Variants in SIN3A observed in about 807,000 individuals in gnomAD.
The protein encoded by SIN3A is paired amphipathic helix protein Sin3a.
In SIN3A, 14 loss-of-function variants were observed where a neutral mutation model predicts 146.1. That is an observed-to-expected ratio of 0.10 (90% CI 0.06 to 0.15). The LOEUF is 0.15. Among genes scored for constraint, SIN3A ranks in the 10% least tolerant of loss-of-function variants. The pLI is 1.00. For missense variants in SIN3A, 1,028 were observed against 1,576.0 expected (o/e 0.65, Z 5.89); for synonymous variants, 572 against 572.0 (o/e 1.00, Z 0.00).
chr15:75,419,401 AAGGTAACTACTGC>A (rs2141528109), intron 3 of SIN3A: 1 of 152,338 alleles, frequency 6.6e-6, no homozygotes, highest in East Asian at 1.9e-4. Flanking sequence ...GGTATGGTAT[AAGGTAACTACTGC>A]AGAGACGGAA....
intron 3 of SIN3A, among the ~76,000 whole-genome samples, chr15:75,416,372 C>CAACAATAT (rs2073737172): frequency 6.6e-6 from 1 of 152,204 alleles, no homozygotes; most frequent in African/African-American, 2.4e-5. Flanking sequence ...GTTGCCCAGG[C>CAACAATAT]TGGAGTGCAG....
intron 1 of SIN3A, among the ~76,000 whole-genome samples, chr15:75,433,687 G>A (rs1221434176): frequency 6.6e-6 from 1 of 152,036 alleles, no homozygotes; most frequent in Non-Finnish European, 1.5e-5. Flanking sequence ...GCGGGCACCT[G>A]TAGTCCTAGC....
intron 15 of SIN3A, among the ~76,000 whole-genome samples, 185 bp from the exon 16 acceptor site, chr15:75,390,006 A>G (rs2073167854): frequency 6.6e-6 from 1 of 152,260 alleles, no homozygotes; most frequent in South Asian, 2.1e-4. Flanking sequence ...AATCACCAGC[A>G]CTATCAGAGT....
intron 20 of SIN3A, among the ~76,000 whole-genome samples, chr15:75,374,968 C>T (rs559791122): frequency 5.8e-4 from 88 of 152,148 alleles, no homozygotes; most frequent in Non-Finnish European, 9.1e-4. Flanking sequence ...CGCAGCTGCA[C>T]CAGGAAGGTT....
chr15:75,442,374 T>C (rs939114405), intron 1 of SIN3A, among the ~76,000 whole-genome samples: 1 of 150,722 alleles, frequency 6.6e-6, no homozygotes, highest in African/African-American at 2.4e-5. Flanking sequence ...GGTCTCACTA[T>C]GTTGCCCAGG....
chr15:75,379,692 G>A (rs2072929107), intron 19 of SIN3A, among the ~76,000 whole-genome samples: 1 of 152,200 alleles, frequency 6.6e-6, no homozygotes, highest in Non-Finnish European at 1.5e-5. Context: ...ATAACACTGG[G>A]ATGATACTTT....
intron 2 of SIN3A, 129 bp downstream of exon 2, chr15:75,430,058 T>A: frequency 3.8e-6 from 1 of 262,930 alleles, no homozygotes; most frequent in Non-Finnish European, 6.9e-6. Context: ...TACACAGTTA[T>A]TTTTTTTTTT....
In SIN3A at chr15:75,392,604, T is replaced by C; in HGVS notation, c.2489A>G (p.Asp830Gly). The C allele has an allele frequency of 6.2e-7, 1 of 1,614,176 alleles. No homozygotes were observed. The highest frequency in any genetic ancestry group is 8.5e-7 in the Non-Finnish European group (1 of 1,180,026). Residue 830 changes from aspartate to glycine, a missense_variant, in exon 15 of 21, where the codon GAT becomes GGT. Around this residue, in one of 9 missense-constraint regions of SIN3A, gnomAD observed 488 missense variants for 690.2 expected, o/e 0.71. Transcript: ENST00000394947. ...TTCCTCTTCCTCCACATCTGAGAGA[T>C]CACCTCTTTGGGCAAAGAGCAAATC... Reference protein sequence around the residue: ...IPDLLFAQRGDLSDVEEEEEE... With the variant: ...IPDLLFAQRGGLSDVEEEEEE...
At chr15:75,406,800 G>A (rs1032856963) in intron 9 of SIN3A, among the ~76,000 whole-genome samples, 5 of 152,160 alleles carry the variant, frequency 3.3e-5, no homozygotes, top group Non-Finnish European at 4.4e-5. Flanking sequence ...TCTTTCAAGA[G>A]AAACATAATA....
chr15:75,435,571 G>A (rs1279145812), intron 1 of SIN3A, among the ~76,000 whole-genome samples: 1 of 151,946 alleles, frequency 6.6e-6, no homozygotes, highest in Non-Finnish European at 1.5e-5. Context: ...GGTGGCGCAT[G>A]CCTGTAATCC....
At chr15:75,383,227 G>A (rs2073008244) in intron 17 of SIN3A, among the ~76,000 whole-genome samples, 1 of 150,390 alleles carries the variant, frequency 6.6e-6, no homozygotes. Context: ...AACCAAGATT[G>A]CGCCACTGCA....
rs141435592 is a variant in SIN3A at position 75,430,245 on chromosome 15, A to G, written c.131T>C (p.Val44Ala). The G allele has an allele frequency of 3.1e-6, 5 of 1,614,056 alleles. No homozygotes were observed. Among genetic ancestry groups the G allele is most frequent in the African/African-American group, 1.3e-5 (1 of 74,930 alleles). Residue 44 changes from valine (V) to alanine (A), a missense_variant, in exon 2 of 21, where the codon GTG becomes GCG. This residue lies in a region of SIN3A where 152 missense variants were observed against 231.5 expected (regional missense o/e 0.66). Transcript: ENST00000394947. ...LAPAPPVYEA[V>A]SETMQSATGI... ...CGTAGCTGACTGCATGGTCTCAGAC[A>G]CTGCTTCATACACAGGAGGGGCAGG... is the stretch of plus-strand genomic sequence containing the variant.
At position 75,442,932 on chromosome 15, in the gene SIN3A, CAAAAAAA is replaced by C. The variant is rs34555614; in HGVS notation, c.-34+8484_-34+8490del. ...GGGCAATAAGAGCAAAACTCTGTCT[CAAAAAAA>C]AAAAAAAAAAAAAAATCACATTCTA... On this transcript the variant is annotated intron_variant, in intron 1 of 20. Coordinates refer to ENST00000394947, the MANE Select transcript of SIN3A (RefSeq NM_001145358.2). Among the ~76,000 whole-genome samples, 9 of 84,492 alleles carry C rather than the reference CAAAAAAA, an allele frequency of 1.1e-4. No individual in the cohort carries two copies. The East Asian group carries it at 1.8e-3, about 16-fold the overall frequency. 55.4% of individuals were successfully genotyped at this position (84,492 alleles called of 152,430 possible). A position where few individuals can be genotyped will look rare whatever the true frequency, so the allele number is the denominator to read the frequency against.
chr15:75,423,593 G>T (rs1212173307), intron 2 of SIN3A, among the ~76,000 whole-genome samples: 2 of 152,144 alleles, frequency 1.3e-5, no homozygotes, highest in South Asian at 2.1e-4. Context: ...CAGGAGAATA[G>T]CGTGAACCCA....
In SIN3A at chr15:75,412,865, T is replaced by C; in HGVS notation, c.654A>G (p.Pro218=). 2 of 1,613,590 alleles carry C rather than the reference T, an allele frequency of 1.2e-6. No homozygotes were observed. Among genetic ancestry groups the C allele is most frequent in the Non-Finnish European group, 1.7e-6 (2 of 1,179,754 alleles). The change falls in exon 5 of 21, where the codon CCA becomes CCG. Residue 218 remains proline, a synonymous_variant. Coordinates refer to ENST00000394947, the MANE Select transcript of SIN3A (RefSeq NM_001145358.2). ...VHQIPTHGIQ[P]QPQPPPQHPS... is the part of the protein sequence containing the mutation. ...GATGTTGGGGTGGTGGTTGAGGCTGTGGCTGGATGCCATGGGTGGGAATCT... is the reference window on the plus strand; with the variant it reads ...GATGTTGGGGTGGTGGTTGAGGCTGCGGCTGGATGCCATGGGTGGGAATCT...
intron 1 of SIN3A, among the ~76,000 whole-genome samples, chr15:75,442,624 A>G (rs80345384): frequency 2.0e-5 from 3 of 150,382 alleles, no homozygotes; most frequent in Non-Finnish European, 4.4e-5. Flanking sequence ...CTTTAAAAAA[A>G]AAAAAAAAAA....
In SIN3A at chr15:75,439,649, A is replaced by G. The variant is rs141167463; in HGVS notation, c.-33-9241T>C. Among the ~76,000 whole-genome samples, 358 of 151,800 alleles carry G rather than the reference A, an allele frequency of 2.4e-3. 1 individual carries two copies. The highest frequency in any genetic ancestry group is 8.5e-3 in the African/African-American group (351 of 41,466). On this transcript the variant is annotated intron_variant, in intron 1 of 20. Coordinates refer to ENST00000394947, the MANE Select transcript of SIN3A (RefSeq NM_001145358.2). ...CGTGAGCCACCGCACCCGGCCATCA[A>G]TGCTTCTTTTACGGCATATGATACA...
chr15:75,414,170 G>C, intron 4 of SIN3A, 35 bp downstream of exon 4: 1 of 1,095,728 alleles, frequency 9.1e-7, no homozygotes, highest in South Asian at 1.9e-5. Flanking sequence ...CAATATGCCA[G>C]ATACAAAGCT....
chr15:75,427,637 G>A (rs2073947890), intron 2 of SIN3A, among the ~76,000 whole-genome samples: 2 of 151,916 alleles, frequency 1.3e-5, no homozygotes, highest in African/African-American at 4.8e-5. Context: ...TCCAGCCTGG[G>A]CAACAGACAG....
Sources: allele counts gnomAD v4.1 joint callset (sites outside exome capture counted in the v4.1 genomes callset), GRCh38; gene constraint gnomAD v4.1.1; regional missense constraint gnomAD v4.1.1; transcripts MANE v1.5; gene names NCBI Gene and HGNC (gene_info 2026-07-23, HGNC 2026-07-21).